The following DLG1 variants were observed in gnomAD, a reference collection of about 807,000 sequenced individuals.
DLG1 encodes the protein discs large MAGUK scaffold protein 1, also known as disks large homolog 1.
Under a neutral mutation model 123.4 loss-of-function variants are expected in DLG1, and 42 were observed. The ratio of observed to expected loss-of-function variants is 0.34; its 90% CI spans 0.27 to 0.44. DLG1 has a LOEUF of 0.44. Ranked by LOEUF, DLG1 falls within the 20% of genes least tolerant of loss-of-function variation. The pLI is 1.00. For missense variants in DLG1, 942 were observed against 1,082.6 expected, an observed-to-expected ratio of 0.87 and a Z score of 1.82; for synonymous variants, 317 against 356.2, an observed-to-expected ratio of 0.89 and a Z score of 1.24.
chr3:197,264,819 C>T (rs890034925), intron 4 of DLG1, among the ~76,000 whole-genome samples: 23 of 152,266 alleles, frequency 1.5e-4, no homozygotes, highest in Middle Eastern at 3.4e-3. Context: ...ATCCAAAACG[C>T]TTCTGGTCCC....
chr3:197,266,980 C>G (rs1761946324), intron 4 of DLG1, among the ~76,000 whole-genome samples: 1 of 152,014 alleles, frequency 6.6e-6, no homozygotes, highest in African/African-American at 2.4e-5. Flanking sequence ...ATCCCAGGCA[C>G]AAGAAAGGTA....
rs1261995012 is a variant in DLG1 at position 197,279,168 on chromosome 3, T to A, written c.318+3511A>T. 2.6e-5 allele frequency among the ~76,000 whole-genome samples: 4 copies of A among 152,300 alleles called. No individual in the cohort carries two copies. The East Asian group carries it at 7.7e-4, about 29-fold the overall frequency. ...TTAGCCAAGTTTTCCAAATGAAGCA[T>A]GAATGGATGGGTGAAAGGGAACATG... On this transcript the variant is annotated intron_variant, in intron 4 of 24. Coordinates refer to ENST00000667157, the MANE Select transcript of DLG1 (RefSeq NM_001366207.1).
chr3:197,053,987 G>A (rs1031092632), intron 23 of DLG1, among the ~76,000 whole-genome samples: 1 of 151,800 alleles, frequency 6.6e-6, no homozygotes, highest in African/African-American at 2.4e-5. Flanking sequence ...AGCTGCTTGG[G>A]AGGCCGAGGT....
At chr3:197,171,991 A>T (rs750631612) in intron 5 of DLG1, among the ~76,000 whole-genome samples, 3 of 151,880 alleles carry the variant, frequency 2.0e-5, no homozygotes, top group Non-Finnish European at 4.4e-5. Flanking sequence ...CCCTGTTATC[A>T]CTCTCTCAAG....
At chr3:197,164,611 T>C (rs1025634974) in intron 5 of DLG1, among the ~76,000 whole-genome samples, 1 of 151,798 alleles carries the variant, frequency 6.6e-6, no homozygotes, top group Non-Finnish European at 1.5e-5. Context: ...GAAAACTCTA[T>C]GAGATTGAGG....
At chr3:197,173,742 C>T (rs572728337) in intron 5 of DLG1, among the ~76,000 whole-genome samples, 1 of 152,328 alleles carries the variant, frequency 6.6e-6, no homozygotes, top group South Asian at 2.1e-4. Context: ...CTATCCAACA[C>T]TGCTATTGTA....
At chr3:197,278,973 T>C (rs1359938300) in intron 4 of DLG1, among the ~76,000 whole-genome samples, 1 of 152,210 alleles carries the variant, frequency 6.6e-6, no homozygotes, top group East Asian at 1.9e-4. Flanking sequence ...CTAAATTCTG[T>C]TTAAGACAAA....
chr3:197,151,582 T>C (rs1793869964), intron 5 of DLG1, among the ~76,000 whole-genome samples: 1 of 152,230 alleles, frequency 6.6e-6, no homozygotes, highest in African/African-American at 2.4e-5. Context: ...CAGCTGGTGA[T>C]GGGTATACAT....
chr3:197,263,562 GA>G (rs1760415308), intron 4 of DLG1, among the ~76,000 whole-genome samples: 1 of 152,182 alleles, frequency 6.6e-6, no homozygotes, highest in Non-Finnish European at 1.5e-5. Context: ...CAAGGTGGGA[GA>G]ATCACTTGAG....
intron 5 of DLG1, among the ~76,000 whole-genome samples, chr3:197,161,918 G>T (rs1798936867): frequency 6.6e-6 from 1 of 152,078 alleles, no homozygotes; most frequent in Admixed American, 6.5e-5. Context: ...GTTTTAGAAA[G>T]TTATACCCCC....
chr3:197,279,595 T>C (rs779305190), intron 4 of DLG1, among the ~76,000 whole-genome samples: 11 of 152,226 alleles, frequency 7.2e-5, no homozygotes, highest in Non-Finnish European at 1.3e-4. Context: ...GCTCACAATA[T>C]GAAAGTTCTT....
intron 5 of DLG1, among the ~76,000 whole-genome samples, chr3:197,184,633 C>A (rs771897798): frequency 1.3e-5 from 2 of 152,128 alleles, no homozygotes; most frequent in African/African-American, 2.4e-5. Flanking sequence ...GCTTCTGGAA[C>A]CTTTATGATA....
At chr3:197,151,672 T>G (rs1223880052) in intron 5 of DLG1, among the ~76,000 whole-genome samples, 1 of 152,234 alleles carries the variant, frequency 6.6e-6, no homozygotes, top group Non-Finnish European at 1.5e-5. Flanking sequence ...AAAATCACTT[T>G]GAGCCAAGTA....
chr3:197,236,135 G>A (rs1000528698), intron 4 of DLG1, among the ~76,000 whole-genome samples: 9 of 152,068 alleles, frequency 5.9e-5, no homozygotes, highest in East Asian at 1.9e-4. Flanking sequence ...GCAACATGGC[G>A]AAATCCCGTC....
intron 4 of DLG1, among the ~76,000 whole-genome samples, chr3:197,263,532 A>G (rs1760386656): frequency 6.6e-6 from 1 of 152,202 alleles, no homozygotes; most frequent in Non-Finnish European, 1.5e-5. Flanking sequence ...CACACCTGTA[A>G]TCCCAGCACT....
chr3:197,044,633 T>G lies in DLG1; in HGVS notation c.2672A>C (p.Glu891Ala). Residue 891 changes from glutamate to alanine, a missense_variant, in exon 25 of 25, where the codon GAA becomes GCA. Coordinates refer to ENST00000667157, the MANE Select transcript of DLG1 (RefSeq NM_001366207.1). ...GAGAAACATGAGTTTTCATAGCTTT[T>G]CTTTTGCCGGAACCCAGATGTAAGA... ...SGSYIWVPAK[E>A]KL is the part of the protein sequence containing the mutation. The G allele has an allele frequency of 6.2e-7, 1 of 1,603,436 alleles. No individual in the cohort carries two copies. The highest frequency in any genetic ancestry group is 8.5e-7 in the Non-Finnish European group (1 of 1,173,630).
chr3:197,099,139 C>A (rs907502221), intron 14 of DLG1, among the ~76,000 whole-genome samples: 3 of 152,218 alleles, frequency 2.0e-5, no homozygotes, highest in African/African-American at 7.2e-5. Flanking sequence ...GATCATGGCT[C>A]ATAGTAGCTC....
At position 197,075,994 on chromosome 3, in the gene DLG1, C is replaced by T. The variant is rs1016077552; in HGVS notation, c.2005+592G>A. ...CCAAGACCATTACAGGTACATATAT[C>T]TTACAGAGCATTTTTACATATTTCT... On this transcript the variant is annotated intron_variant, in intron 18 of 24. Transcript: ENST00000667157. 4 of 604,828 alleles carry T rather than the reference C, an allele frequency of 6.6e-6. No homozygotes were observed. The African/African-American group carries it at 7.6e-5, about 11-fold the overall frequency. 37.5% of individuals were successfully genotyped at this position (604,828 alleles called of 1,614,324 possible).
At chr3:197,157,459 G>A (rs576629834) in intron 5 of DLG1, among the ~76,000 whole-genome samples, 6 of 152,224 alleles carry the variant, frequency 3.9e-5, no homozygotes, top group African/African-American at 1.4e-4. Flanking sequence ...AGAACACTGA[G>A]CCTCCTAAAT....
Sources: allele counts gnomAD v4.1 joint callset (sites outside exome capture counted in the v4.1 genomes callset), GRCh38; gene constraint gnomAD v4.1.1; transcripts MANE v1.5; gene names NCBI Gene and HGNC (gene_info 2026-07-23, HGNC 2026-07-21).